Variants in ATR observed in about 807,000 individuals in gnomAD.
The protein encoded by ATR is serine/threonine-protein kinase ATR.
ATR carries 142 observed loss-of-function variants against 305.3 expected under a neutral mutation model. The ratio of observed to expected loss-of-function variants is 0.47; its 90% confidence interval spans 0.41 to 0.53. The LOEUF (loss-of-function observed/expected upper bound fraction) is 0.53. Among genes scored for constraint, ATR ranks in the 20% least tolerant of loss-of-function variants. The probability of loss-of-function intolerance (pLI) is 0.00; values close to 1 mark genes in which losing one functional copy is unlikely to be tolerated. For synonymous variants in ATR, 1,050 were observed against 1,068.1 expected (o/e 0.98, Z 0.33); for missense variants, 2,135 against 3,133.1 (o/e 0.68, Z 7.60).
At chr3:142,469,234 A>G in intron 38 of ATR, 103 bp downstream of exon 38, 1 of 870,852 alleles carries the variant, frequency 1.1e-6, no homozygotes, top group Non-Finnish European at 1.8e-6. Context: ...CTAATACAGG[A>G]GAGACGCCCT....
chr3:142,451,234 G>C lies in ATR; in HGVS notation c.7762-1632C>G, dbSNP rs1185361136. On this transcript the variant is annotated intron_variant, in intron 46 of 46. Coordinates refer to ENST00000350721, the MANE Select transcript of ATR (RefSeq NM_001184.4). ...ACCTGATGCTGCACATCCAGATGCA[G>C]GTGTGCAAGCTCCAGCTGTGGGACT... 5 of 1,194,626 alleles carry C rather than the reference G, an allele frequency of 4.2e-6. No individual in the cohort carries two copies. The Admixed American group carries it at 1.1e-4, about 26-fold the overall frequency. The allele number at this position is 1,194,626 out of a possible 1,614,324, so 74.0% of individuals were successfully genotyped here. A position where few individuals can be genotyped will look rare whatever the true frequency, so the allele number is the denominator to read the frequency against.
Position 142,553,850 on chromosome 3 carries a change from T to A in ATR, c.2507A>T (p.Asp836Val). 6.2e-7 allele frequency: 1 copy of A among 1,613,546 alleles called. No homozygotes were observed. Among genetic ancestry groups the A allele is most frequent in the Non-Finnish European group, 8.5e-7 (1 of 1,179,734 alleles). The change falls in exon 11 of 47, where the codon GAC becomes GTC. Residue 836 changes from aspartate (D) to valine (V), a missense_variant. Transcript: ENST00000350721. ...CTCCTTTATAAATCCATCTTCAGAG[T>A]CCAAGGATTCCAATATGTGCTTGAT... Reference protein sequence around the residue: ...GNIKHILESLDSEDGFIKELF... With the variant: ...GNIKHILESLVSEDGFIKELF...
At chr3:142,578,095 C>G (rs1027162076) in intron 1 of ATR, among the ~76,000 whole-genome samples, 7 of 152,156 alleles carry the variant, frequency 4.6e-5, no homozygotes, top group Non-Finnish European at 1.0e-4. Context: ...GAGGTCACAT[C>G]TTCAGTATGT....
intron 16 of ATR, among the ~76,000 whole-genome samples, chr3:142,547,050 G>A (rs1005736855): frequency 6.6e-6 from 1 of 152,218 alleles, no homozygotes; most frequent in East Asian, 1.9e-4. Context: ...GGCATAAATG[G>A]GTTAAAATAT....
At chr3:142,569,565 G>A (rs1210765185) in intron 1 of ATR, among the ~76,000 whole-genome samples, 1 of 151,940 alleles carries the variant, frequency 6.6e-6, no homozygotes, top group Non-Finnish European at 1.5e-5. Flanking sequence ...CAAGCGATCT[G>A]CCTGCTTTGA....
chr3:142,493,847 A>G (rs1055347756), intron 34 of ATR, among the ~76,000 whole-genome samples: 21 of 151,724 alleles, frequency 1.4e-4, no homozygotes, highest in African/African-American at 5.1e-4. Context: ...AGCCTGGGTG[A>G]CAGAGCAAGA....
At chr3:142,514,759 GA>G (rs2108378467) in intron 25 of ATR, among the ~76,000 whole-genome samples, 1 of 139,700 alleles carries the variant, frequency 7.2e-6, no homozygotes, top group East Asian at 2.1e-4. Context: ...AGTGAGCCGA[GA>G]TCGCACCACT....
intron 29 of ATR, among the ~76,000 whole-genome samples, chr3:142,504,751 GC>G (rs1422683165): frequency 6.6e-6 from 1 of 152,166 alleles, no homozygotes; most frequent in Non-Finnish European, 1.5e-5. Context: ...GGCATGAGCC[GC>G]CGCATCCGGC....
rs767169873 is a variant in ATR, at chr3:142,468,069, CTGTCATAAAAAAGAGTTAAA to C, written c.6553-21_6553-2del. 9.3e-6 allele frequency: 15 copies of C among 1,611,516 alleles called. No homozygotes were observed. The highest frequency in any genetic ancestry group is 2.7e-5 in the African/African-American group (2 of 74,774). ...TGTTCACACGCATGGGATAAGATGA[CTGTCATAAAAAAGAGTTAAA>C]TGTCATAAAAAAGAGTTTATACAGG... On this transcript the variant is annotated splice_acceptor_variant and splice_polypyrimidine_tract_variant and intron_variant, in intron 38 of 46. Transcript: ENST00000350721. LOFTEE classifies it high-confidence loss of function.
Position 142,458,872 on chromosome 3 carries a change from T to A in ATR, c.7503+86A>T, listed in dbSNP as rs544506406. ...ACTCAACTGTGAGTATAACTGCTAC[T>A]AACAGGTATGTCAAGGAAGATACAG... is the stretch of plus-strand genomic sequence containing the variant. On this transcript the variant is annotated intron_variant, in intron 44 of 46. Transcript: ENST00000350721. 4.1e-6 allele frequency: 6 copies of A among 1,460,642 alleles called. No individual in the cohort carries two copies. In the East Asian group the frequency reaches 7.0e-5, roughly 17 times the overall value. The allele number at this position is 1,460,642 out of a possible 1,614,324, so 90.5% of individuals were successfully genotyped here. A position where few individuals can be genotyped will look rare whatever the true frequency, so the allele number is the denominator to read the frequency against.
chr3:142,498,576 A>C, intron 32 of ATR, 21 bp downstream of exon 32: 1 of 1,610,748 alleles, frequency 6.2e-7, no homozygotes, highest in Non-Finnish European at 8.5e-7. Flanking sequence ...CAGAAATATA[A>C]AAATGGAAAT....
chr3:142,471,109 C>T (rs974181448), intron 36 of ATR, among the ~76,000 whole-genome samples: 4 of 152,118 alleles, frequency 2.6e-5, no homozygotes, highest in African/African-American at 9.7e-5. Context: ...TTCCCGTCTC[C>T]TTCCCCACCC....
At chr3:142,456,564 C>T (rs1488946137) in intron 45 of ATR, among the ~76,000 whole-genome samples, 3 of 151,808 alleles carry the variant, frequency 2.0e-5, no homozygotes, top group Admixed American at 6.6e-5. Context: ...AGAGCGAAAC[C>T]CTGTCTCAAA....
chr3:142,525,861 A>G (rs2033369983), intron 21 of ATR, among the ~76,000 whole-genome samples: 1 of 152,190 alleles, frequency 6.6e-6, no homozygotes. Flanking sequence ...CCTCACCAGA[A>G]GCAGATGCTG....
chr3:142,570,663 T>C (rs1169867713), intron 1 of ATR, among the ~76,000 whole-genome samples: 1 of 152,188 alleles, frequency 6.6e-6, no homozygotes, highest in Admixed American at 6.5e-5. Flanking sequence ...GCTGGGATTA[T>C]AGGTGTGAGC....
At chr3:142,459,169 T>C (rs1479996957) in intron 43 of ATR, 58 bp from the exon 44 acceptor site, 1 of 1,611,556 alleles carries the variant, frequency 6.2e-7, no homozygotes, top group African/African-American at 1.3e-5. Context: ...AATATAAATC[T>C]AAAATATTAA....
At position 142,572,372 on chromosome 3, in the gene ATR, CTTTTTTT is replaced by C. The variant is rs11318957; in HGVS notation, c.60-4225_60-4219del. 1.3e-3 allele frequency among the ~76,000 whole-genome samples: 73 copies of C among 56,812 alleles called. 1 individual carries two copies. The highest frequency in any genetic ancestry group is 1.5e-3 in the South Asian group (2 of 1,362). 37.3% of individuals were successfully genotyped at this position (56,812 alleles called of 152,430 possible). On this transcript the variant is annotated intron_variant, in intron 1 of 46. Transcript: ENST00000350721. ...GCGTGAGCCACCACGCCCGGCCTGACTTTTTTTTTTTTTTTTTTTTTTTTTTTGATTA... is the reference window on the plus strand; with the variant it reads ...GCGTGAGCCACCACGCCCGGCCTGACTTTTTTTTTTTTTTTTTTTTGATTA...
intron 23 of ATR, among the ~76,000 whole-genome samples, chr3:142,520,190 C>T (rs937311245): frequency 2.6e-5 from 4 of 152,140 alleles, no homozygotes; most frequent in Non-Finnish European, 5.9e-5. Flanking sequence ...TGAACCTAAT[C>T]GATAAATGTG....
At chr3:142,450,616 G>A in intron 46 of ATR, 1 of 1,607,686 alleles carries the variant, frequency 6.2e-7, no homozygotes, top group Non-Finnish European at 8.5e-7. Context: ...AGGAAAAGGT[G>A]GATATGGAAG....
Sources: allele counts gnomAD v4.1 joint callset (sites outside exome capture counted in the v4.1 genomes callset), GRCh38; gene constraint gnomAD v4.1.1; transcripts MANE v1.5; gene names NCBI Gene and HGNC (gene_info 2026-07-23, HGNC 2026-07-21).